The following MTUS1 variants were observed in gnomAD, a reference collection of about 807,000 sequenced individuals.
MTUS1 encodes the protein microtubule-associated tumor suppressor 1.
Under a neutral mutation model 120.8 loss-of-function variants are expected in MTUS1, and 109 were observed. The ratio of observed to expected loss-of-function variants is 0.90; its 90% CI spans 0.77 to 1.06. MTUS1 has a LOEUF of 1.06. Among genes scored for constraint, MTUS1 ranks in the 50% least tolerant of loss-of-function variants. MTUS1 has a pLI of 0.00. For missense variants in MTUS1, 2,210 were observed against 1,486.3 expected (o/e 1.49, Z -8.01); for synonymous variants, 737 against 550.5 (o/e 1.34, Z -4.74).
intron 13 of MTUS1, among the ~76,000 whole-genome samples, chr8:17,648,141 G>A (rs1255082271): frequency 3.3e-5 from 5 of 152,130 alleles, no homozygotes; most frequent in Non-Finnish European, 5.9e-5. Context: ...ATGTCACAGA[G>A]CTGATTATGG....
chr8:17,731,797 T>C (rs1214841881), intron 3 of MTUS1, among the ~76,000 whole-genome samples: 1 of 152,238 alleles, frequency 6.6e-6, no homozygotes, highest in Non-Finnish European at 1.5e-5. Flanking sequence ...AAAGAGTTGA[T>C]AACTTTTATT....
chr8:17,653,233 A>AT lies in MTUS1; in HGVS notation c.3336dup (p.Leu1113IlefsTer40). ...CTTCTTTTTTGTTCTTCTGATTTCA[A>AT]TTTTTCATTTAAAGCATCATTTTCA... On this transcript the variant is annotated frameshift_variant, in exon 12 of 15. Coordinates refer to ENST00000693296, the MANE Select transcript of MTUS1 (RefSeq NM_001363059.2). LOFTEE classifies it high-confidence loss of function. 1.3e-6 allele frequency: 2 copies of AT among 1,557,448 alleles called. No individual in the cohort carries two copies. Among genetic ancestry groups the AT allele is most frequent in the Non-Finnish European group, 1.7e-6 (2 of 1,156,324 alleles).
chr8:17,654,106 T>C (rs1807665022), intron 10 of MTUS1: 1 of 168,002 alleles, frequency 6.0e-6, no homozygotes, highest in Non-Finnish European at 1.3e-5. Context: ...GCCGATTCTG[T>C]TCTGAAAGCA....
chr8:17,648,755 G>C (rs563321692), intron 13 of MTUS1, among the ~76,000 whole-genome samples: 1 of 152,324 alleles, frequency 6.6e-6, no homozygotes, highest in African/African-American at 2.4e-5. Flanking sequence ...GTCCCCTACT[G>C]TCCAGGGCTG....
chr8:17,670,600 G>C (rs1811815634), intron 8 of MTUS1, among the ~76,000 whole-genome samples: 1 of 152,156 alleles, frequency 6.6e-6, no homozygotes, highest in African/African-American at 2.4e-5. Context: ...GAGACGGGCG[G>C]ATCACTTGAG....
rs567960978 is a variant in MTUS1 at position 17,702,054 on chromosome 8, AG to A, written c.2623+11159del. Among the ~76,000 whole-genome samples the A allele has an allele frequency of 6.5e-4, 99 of 152,318 alleles. 1 individual carries two copies. The highest frequency in any genetic ancestry group is 5.4e-4 in the Non-Finnish European group (37 of 68,022). ...CGAACTTAATTCCTGTAAGGTATAT[AG>A]GTTGTTTCCAATTTTCCCCCATTGT... is the stretch of plus-strand genomic sequence containing the variant. On this transcript the variant is annotated intron_variant, in intron 6 of 14. Coordinates refer to ENST00000693296, the MANE Select transcript of MTUS1 (RefSeq NM_001363059.2).
chr8:17,723,830 T>C lies in MTUS1; in HGVS notation c.2291A>G (p.Lys764Arg), dbSNP rs1236203004. ...CTGTGCAGTTTTCAAGGATGTAGGC[T>C]TTCCTTGGGGTTTAAAAAAAACAAA... ...QRIRRVSSSGKPTSLKTAQSS... is the reference protein window; with the variant it reads ...QRIRRVSSSGRPTSLKTAQSS... The change falls in exon 4 of 15, where the codon AAG becomes AGG. Residue 764 changes from lysine to arginine, a missense_variant. Physicochemically the swap from Lys to Arg is conservative, Grantham distance 26. Coordinates refer to ENST00000693296, the MANE Select transcript of MTUS1 (RefSeq NM_001363059.2). 6.4e-7 allele frequency: 1 copy of C among 1,564,092 alleles called. No homozygotes were observed. The highest frequency in any genetic ancestry group is 1.2e-5 in the South Asian group (1 of 84,946).
intron 7 of MTUS1, among the ~76,000 whole-genome samples, chr8:17,679,344 T>C (rs2130706393): frequency 1.4e-5 from 1 of 70,756 alleles, no homozygotes; most frequent in East Asian, 4.2e-4. Context: ...TACATATGCA[T>C]GTGTGCGCGC....
At chr8:17,677,775 G>A (rs1224113134) in intron 7 of MTUS1, among the ~76,000 whole-genome samples, 2 of 152,122 alleles carry the variant, frequency 1.3e-5, no homozygotes, top group East Asian at 1.9e-4. Context: ...GTCTAAATGG[G>A]TTGTGCAAAA....
At chr8:17,738,963 AC>A (rs535928202) in intron 3 of MTUS1, among the ~76,000 whole-genome samples, 4 of 151,508 alleles carry the variant, frequency 2.6e-5, no homozygotes, top group African/African-American at 4.9e-5. Context: ...ACAAAGTGAG[AC>A]CCCCCCATCT....
chr8:17,717,498 C>T (rs890337504), intron 4 of MTUS1, among the ~76,000 whole-genome samples: 4 of 152,176 alleles, frequency 2.6e-5, no homozygotes, highest in Admixed American at 6.5e-5. Context: ...GGATTTTAGT[C>T]TTACTTTTCT....
At chr8:17,791,419 T>C (rs2051772072) in intron 1 of MTUS1, among the ~76,000 whole-genome samples, 1 of 152,214 alleles carries the variant, frequency 6.6e-6, no homozygotes, top group Non-Finnish European at 1.5e-5. Context: ...CTGGACTATG[T>C]TACAGGTGAA....
At chr8:17,652,771 C>T (rs774051369) in intron 12 of MTUS1, among the ~76,000 whole-genome samples, 13 of 150,182 alleles carry the variant, frequency 8.7e-5, no homozygotes, top group South Asian at 2.1e-4. Flanking sequence ...AGGAGGTGGA[C>T]GTTGCAGTGA....
intron 6 of MTUS1, among the ~76,000 whole-genome samples, chr8:17,687,878 G>A (rs745622571): frequency 6.6e-6 from 1 of 152,204 alleles, no homozygotes; most frequent in South Asian, 2.1e-4. Flanking sequence ...AAAGAAAGTA[G>A]TTGGTTAATG....
intron 1 of MTUS1, among the ~76,000 whole-genome samples, chr8:17,784,274 C>T (rs925970486): frequency 6.6e-6 from 1 of 150,890 alleles, no homozygotes; most frequent in Non-Finnish European, 1.5e-5. Context: ...CAATCTAAAC[C>T]CTGCTAATTT....
chr8:17,667,231 G>A lies in MTUS1; in HGVS notation c.2905+7955C>T, dbSNP rs1028939730. 1.3e-4 allele frequency among the ~76,000 whole-genome samples: 20 copies of A among 152,186 alleles called. No individual in the cohort carries two copies. The East Asian group carries it at 1.5e-3, about 12-fold the overall frequency. ...GAAGAGAATGAGCTAAGTCTGAGGT[G>A]GCTATCAACTCAGTCTTCAAACAAG... On this transcript the variant is annotated intron_variant, in intron 8 of 14. Transcript: ENST00000693296.
At chr8:17,692,772 G>A (rs940564999) in intron 6 of MTUS1, among the ~76,000 whole-genome samples, 1 of 151,994 alleles carries the variant, frequency 6.6e-6, no homozygotes, top group Non-Finnish European at 1.5e-5. Flanking sequence ...ACTATTTATT[G>A]TACAAGAATC....
intron 1 of MTUS1, among the ~76,000 whole-genome samples, chr8:17,785,368 C>T (rs1012621703): frequency 1.3e-5 from 2 of 152,178 alleles, no homozygotes; most frequent in African/African-American, 4.8e-5. Context: ...GAAGATAAAG[C>T]TTGAGCTGAG....
At chr8:17,779,122 G>A (rs17125368) in intron 1 of MTUS1, among the ~76,000 whole-genome samples, 13,663 of 152,166 alleles carry the variant, frequency 0.09, 2,063 homozygotes, top group African/African-American at 0.31. Context: ...TTAGACCCCA[G>A]GAATAAGTAG....
Sources: gnomAD v4.1 joint callset for allele counts (sites outside exome capture counted in the v4.1 genomes callset) on GRCh38, gnomAD v4.1.1 for gene constraint, MANE v1.5 for transcripts, NCBI Gene and HGNC (gene_info 2026-07-23, HGNC 2026-07-21) for gene names.